Variants in HSD3B7 observed in about 807,000 individuals in gnomAD.
HSD3B7 encodes 3 beta-hydroxysteroid dehydrogenase type 7.
A neutral mutation model predicts 34.3 loss-of-function variants in HSD3B7; 35 were observed. The ratio of observed to expected loss-of-function variants is 1.02; its 90% confidence interval spans 0.78 to 1.35. The LOEUF is 1.35. HSD3B7 is among the 40% of genes most tolerant of loss of function. HSD3B7 has a pLI of 0.00. For missense variants in HSD3B7, 426 were observed against 504.7 expected (o/e 0.84, Z 1.49); for synonymous variants, 217 against 220.1 (o/e 0.99, Z 0.13).
chr16:30,985,474 C>T lies in HSD3B7; in HGVS notation c.-7+177C>T, dbSNP rs79974799. The T allele has an allele frequency of 0.095, 141,890 of 1,486,078 alleles. 7,667 individuals carry two copies. Among genetic ancestry groups the T allele is most frequent in the Non-Finnish European group, 0.11 (125,814 of 1,120,606 alleles). The allele number at this position is 1,486,078 out of a possible 1,614,324, so 92.1% of individuals were successfully genotyped here. On this transcript the variant is annotated intron_variant, in intron 1 of 6. Transcript: ENST00000297679. The stretch of plus-strand genomic sequence containing the variant: ...TGCACCCCAAGCCCGCCCCTCTCTC[C>T]GTAACTCAGCCATCAGCAGGGGCAG...
Position 30,988,205 on chromosome 16 carries a change from G to A in HSD3B7, c.*22G>A. 6.4e-7 allele frequency: 1 copy of A among 1,572,710 alleles called. No individual in the cohort carries two copies. The highest frequency in any genetic ancestry group is 8.6e-7 in the Non-Finnish European group (1 of 1,165,498). ...GTGACGGTGGGGCTGGGGCCTGGAG[G>A]CCCAGATACAGCACATCCACCCAGG... is the stretch of plus-strand genomic sequence containing the variant. On this transcript the variant is annotated 3_prime_UTR_variant, in exon 7 of 7. Transcript: ENST00000297679.
chr16:30,986,022 T>G lies in HSD3B7; in HGVS notation c.167-27T>G, dbSNP rs776100828. On this transcript the variant is annotated intron_variant, in intron 2 of 6. Coordinates refer to ENST00000297679, the MANE Select transcript of HSD3B7 (RefSeq NM_025193.4). The stretch of plus-strand genomic sequence containing the variant: ...CTGGCCTCTGGCCCCAGCTCTGACA[T>G]GGCCTGTGTCCTCCAACCCCGGCCA... 3.1e-6 allele frequency: 5 copies of G among 1,611,090 alleles called. No individual in the cohort carries two copies. In the South Asian group the frequency reaches 5.5e-5, roughly 18 times the overall value.
Position 30,985,941 on chromosome 16 carries a change from G to A in HSD3B7, c.167-108G>A, listed in dbSNP as rs546216591. On this transcript the variant is annotated intron_variant, in intron 2 of 6. Coordinates refer to ENST00000297679, the MANE Select transcript of HSD3B7 (RefSeq NM_025193.4). ...GATGCTGGTTTCTGTCCACATGGAT[G>A]GGTCGAGTGAGTCACATTGGGAACG... The A allele has an allele frequency of 7.0e-5, 111 of 1,576,096 alleles. 1 individual carries two copies. The East Asian group carries it at 2.5e-3, about 35-fold the overall frequency.
intron 6 of HSD3B7, 45 bp from the exon 7 acceptor site, chr16:30,987,723 C>G: frequency 1.2e-6 from 2 of 1,601,738 alleles, no homozygotes; most frequent in Non-Finnish European, 1.7e-6. Flanking sequence ...TGTGGTGTTG[C>G]AAGGGCACTC....
chr16:30,985,653 C>T lies in HSD3B7; in HGVS notation c.-6C>T, dbSNP rs1244966671. On this transcript the variant is annotated splice_region_variant and 5_prime_UTR_variant, in exon 2 of 7. Coordinates refer to ENST00000297679, the MANE Select transcript of HSD3B7 (RefSeq NM_025193.4). Reference sequence around the variant, plus strand: ...GGATGAGCCAAGGTCTCTTCCCCAGCCAGGCATGGCCGACTCTGCACAGGC... The same window carrying T: ...GGATGAGCCAAGGTCTCTTCCCCAGTCAGGCATGGCCGACTCTGCACAGGC... 6.2e-7 allele frequency: 1 copy of T among 1,601,202 alleles called. No individual in the cohort carries two copies. The highest frequency in any genetic ancestry group is 8.5e-7 in the Non-Finnish European group (1 of 1,177,838).
In HSD3B7 at chr16:30,987,961, G is replaced by A. The variant is rs201629379; in HGVS notation, c.888G>A (p.Val296=). The change falls in exon 7 of 7, where the codon GTG becomes GTA. Residue 296 remains valine, a synonymous_variant. Coordinates refer to ENST00000297679, the MANE Select transcript of HSD3B7 (RefSeq NM_025193.4). ...CATTGCTGCCCTACTGGCTGCTGGT[G>A]TTCCTGGCTGCCCTCAATGCCCTGC... ...ARPLLPYWLL[V]FLAALNALLQ... 1 of 1,612,088 alleles carries A rather than the reference G, an allele frequency of 6.2e-7. No homozygotes were observed.
Position 30,986,989 on chromosome 16 carries a change from C to T in HSD3B7, c.681C>T (p.Gly227=). The change falls in exon 6 of 7, where the codon GGC becomes GGT. Residue 227 remains glycine (G), a synonymous_variant. Transcript: ENST00000297679. ...CCATCCCGGCCTCTGTGGAGCATGGCCGGGTCTATGTGGGTGAGGACTGGG... is the reference window on the plus strand; with the variant it reads ...CCATCCCGGCCTCTGTGGAGCATGGTCGGGTCTATGTGGGTGAGGACTGGG... ...FRAIPASVEH[G]RVYVGNVAWM... 1 of 1,611,746 alleles carries T rather than the reference C, an allele frequency of 6.2e-7. No homozygotes were observed. The highest frequency in any genetic ancestry group is 8.5e-7 in the Non-Finnish European group (1 of 1,178,874).
chr16:30,985,564 T>G, intron 1 of HSD3B7, 89 bp from the exon 2 acceptor site: 7 of 1,534,972 alleles, frequency 4.6e-6, no homozygotes, highest in Non-Finnish European at 6.1e-6. Flanking sequence ...AACGCCAGCC[T>G]CGTCACCGCT....
In HSD3B7 at chr16:30,985,789, A is replaced by AACACCTGGGTCCCTGGC. The variant is rs2056462997; in HGVS notation, c.132_148dup (p.Leu50HisfsTer10). The AACACCTGGGTCCCTGGC allele has an allele frequency of 1.2e-6, 2 of 1,603,276 alleles. No individual in the cohort carries two copies. Among genetic ancestry groups the AACACCTGGGTCCCTGGC allele is most frequent in the Non-Finnish European group, 1.7e-6 (2 of 1,176,332 alleles). ...CTCGGGGAGCTGCGGGTCTTTGACC[A>AACACCTGGGTCCCTGGC]ACACCTGGGTCCCTGGCTGGAGGAG... On this transcript the variant is annotated frameshift_variant, in exon 2 of 7. Coordinates refer to ENST00000297679, the MANE Select transcript of HSD3B7 (RefSeq NM_025193.4). LOFTEE classifies it high-confidence loss of function.
intron 2 of HSD3B7, 75 bp downstream of exon 2, chr16:30,985,899 C>T (rs1485193285): frequency 1.3e-6 from 2 of 1,584,594 alleles, no homozygotes; most frequent in Admixed American, 1.7e-5. Context: ...GATCCCCACC[C>T]CTGCAGTGGA....
intron 1 of HSD3B7, 154 bp from the exon 2 acceptor site, chr16:30,985,499 G>A (rs1434865006): frequency 1.3e-6 from 2 of 1,506,664 alleles, no homozygotes; most frequent in Admixed American, 4.0e-5. Context: ...AGCAGGGGCA[G>A]ACGGCAGGTG....
At chr16:30,985,480 TCAG>T in intron 1 of HSD3B7, 170 bp from the exon 2 acceptor site, 1 of 1,487,814 alleles carries the variant, frequency 6.7e-7, no homozygotes, top group Admixed American at 2.1e-5. Context: ...TCTCCGTAAC[TCAG>T]CCATCAGCAG....
Position 30,988,106 on chromosome 16 carries a change from G to C in HSD3B7, c.1033G>C (p.Glu345Gln). The part of the protein sequence containing the change: ...TDKAQRHFGY[E>Q]PLFSWEDSRT... The stretch of plus-strand genomic sequence containing the variant: ...CAAGGCTCAGCGCCATTTCGGCTAT[G>C]AGCCCCTGTTCTCGTGGGAGGATAG... The change falls in exon 7 of 7, where the codon GAG becomes CAG. Residue 345 changes from glutamate to glutamine, a missense_variant. Coordinates refer to ENST00000297679, the MANE Select transcript of HSD3B7 (RefSeq NM_025193.4). 1.2e-6 allele frequency: 2 copies of C among 1,606,198 alleles called. No homozygotes were observed. Among genetic ancestry groups the C allele is most frequent in the Non-Finnish European group, 1.7e-6 (2 of 1,178,392 alleles).
At chr16:30,985,405 T>G (rs2056452751) in intron 1 of HSD3B7, 108 bp downstream of exon 1, 1 of 1,382,170 alleles carries the variant, frequency 7.2e-7, no homozygotes, top group Non-Finnish European at 9.4e-7. Context: ...CTCCCCACCC[T>G]TTTACTGCCT....
chr16:30,985,702 C>T lies in HSD3B7; in HGVS notation c.44C>T (p.Thr15Ile). The T allele has an allele frequency of 6.2e-7, 1 of 1,608,900 alleles. No homozygotes were observed. The highest frequency in any genetic ancestry group is 8.5e-7 in the Non-Finnish European group (1 of 1,179,428). ...GCCCAGAAGCTGGTGTACCTGGTCA[C>T]AGGGGGCTGTGGCTTCCTGGGAGAG... ...AQAQKLVYLV[T>I]GGCGFLGEHV... The change falls in exon 2 of 7, where the codon ACA (threonine) becomes ATA (isoleucine). Residue 15 changes from threonine (T) to isoleucine (I), a missense_variant. Coordinates refer to ENST00000297679, the MANE Select transcript of HSD3B7 (RefSeq NM_025193.4).
Position 30,988,464 on chromosome 16 carries a change from CTGG to C in HSD3B7, c.*282_*284del. 10 of 428,006 alleles carry C rather than the reference CTGG, an allele frequency of 2.3e-5. No individual in the cohort carries two copies. Among genetic ancestry groups the C allele is most frequent in the East Asian group, 8.5e-5 (2 of 23,660 alleles). The allele number at this position is 428,006 out of a possible 1,614,324, so 26.5% of individuals were successfully genotyped here. On this transcript the variant is annotated 3_prime_UTR_variant, in exon 7 of 7. Transcript: ENST00000297679. The stretch of plus-strand genomic sequence containing the variant: ...CCTCCTGCCTCAGCCTCCTGAACAG[CTGG>C]GACCACAGGTGCACGCCACCACACC...
intron 3 of HSD3B7, 93 bp from the exon 4 acceptor site, chr16:30,986,330 A>T: frequency 6.4e-7 from 1 of 1,558,602 alleles, no homozygotes; most frequent in Non-Finnish European, 8.8e-7. Context: ...GCCTCCCCTG[A>T]CCTGTCATGG....
chr16:30,986,326 C>T, intron 3 of HSD3B7, 97 bp from the exon 4 acceptor site: 1 of 1,555,726 alleles, frequency 6.4e-7, no homozygotes. Context: ...CCCCGCCTCC[C>T]CTGACCTGTC....
chr16:30,985,549 CCG>C (rs761721673), intron 1 of HSD3B7, 102 bp from the exon 2 acceptor site: 21 of 1,532,054 alleles, frequency 1.4e-5, no homozygotes, highest in Middle Eastern at 4.6e-4. Flanking sequence ...TCTGCCCTCC[CCG>C]CAAACGCCAG....
Sources: allele counts gnomAD v4.1 joint callset, GRCh38; gene constraint gnomAD v4.1.1; transcripts MANE v1.5; gene names NCBI Gene and HGNC (gene_info 2026-07-23, HGNC 2026-07-21).